DENND1A: variants seen among roughly 807,000 people sequenced by gnomAD.
The protein encoded by DENND1A is DENN domain containing 1A.
A neutral mutation model predicts 113.7 loss-of-function variants in DENND1A; 51 were observed. That is an observed-to-expected ratio of 0.45 (90% confidence interval 0.36 to 0.57). DENND1A has a LOEUF of 0.57. Ranked by LOEUF, DENND1A falls within the 20% of genes least tolerant of loss-of-function variation. The pLI, the probability that DENND1A is intolerant of heterozygous loss-of-function variation, is 0.00. For synonymous variants in DENND1A, 565 were observed against 570.8 expected, an observed-to-expected ratio of 0.99 and a Z score of 0.14; for missense variants, 1,258 against 1,395.9, an observed-to-expected ratio of 0.90 and a Z score of 1.57.
intron 5 of DENND1A, among the ~76,000 whole-genome samples, chr9:123,731,849 G>A: frequency 6.6e-6 from 1 of 152,112 alleles, no homozygotes; most frequent in Non-Finnish European, 1.5e-5. Flanking sequence ...TTTATGTCAA[G>A]AAACTTAAAG....
At chr9:123,915,510 T>G (rs1854924210) in intron 1 of DENND1A, among the ~76,000 whole-genome samples, 1 of 152,094 alleles carries the variant, frequency 6.6e-6, no homozygotes, top group South Asian at 2.1e-4. Flanking sequence ...AAGACAGTGT[T>G]GAGGGTTAAT....
rs1163768106 is a variant in DENND1A, at chr9:123,445,187, A to G, written c.1357-4696T>C. On this transcript the variant is annotated intron_variant, in intron 18 of 23. Coordinates refer to ENST00000394215, the MANE Select transcript of DENND1A (RefSeq NM_001352964.2). ...AGTCTCCATGAGAAATCGGGGAGGT[A>G]AGGACCCAGGGTCTCGGGAGACTAG... 2.6e-5 allele frequency among the ~76,000 whole-genome samples: 4 copies of G among 152,186 alleles called. No individual in the cohort carries two copies. In the East Asian group the frequency reaches 7.7e-4, roughly 29 times the overall value.
intron 2 of DENND1A, among the ~76,000 whole-genome samples, chr9:123,796,906 A>G (rs1182540889): frequency 6.6e-6 from 1 of 152,130 alleles, no homozygotes; most frequent in Non-Finnish European, 1.5e-5. Flanking sequence ...ACTTTGTACA[A>G]AACACGTTAA....
At chr9:123,853,439 G>A (rs558945970) in intron 2 of DENND1A, among the ~76,000 whole-genome samples, 1 of 151,754 alleles carries the variant, frequency 6.6e-6, no homozygotes, top group East Asian at 2.0e-4. Flanking sequence ...TGAGGTAGGC[G>A]GATGACTTGA....
chr9:123,832,290 G>T (rs976049907), intron 2 of DENND1A, among the ~76,000 whole-genome samples: 17 of 151,996 alleles, frequency 1.1e-4, no homozygotes, highest in African/African-American at 2.9e-4. Flanking sequence ...CAACTTCATG[G>T]GTAATCAGGA....
intron 11 of DENND1A, among the ~76,000 whole-genome samples, chr9:123,607,541 AGAGAGAGT>A (rs751500077): frequency 6.4e-4 from 82 of 127,140 alleles, no homozygotes; most frequent in East Asian, 1.1e-3. Flanking sequence ...AGAGAGAGAG[AGAGAGAGT>A]GTGTGTGTGT....
In DENND1A at chr9:123,762,721, T is replaced by C. The variant is rs2071143380; in HGVS notation, c.183-4899A>G. ...ATACCACAAAACATACAGCTTGTAA[T>C]AGTGGTATTACAAAACCAAAGAAGA... On this transcript the variant is annotated intron_variant, in intron 4 of 23. Transcript: ENST00000394215. 3.9e-5 allele frequency among the ~76,000 whole-genome samples: 6 copies of C among 152,168 alleles called. No individual in the cohort carries two copies. In the South Asian group the frequency reaches 1.0e-3, roughly 26 times the overall value.
At chr9:123,682,322 C>T (rs935382456) in intron 5 of DENND1A, among the ~76,000 whole-genome samples, 4 of 152,128 alleles carry the variant, frequency 2.6e-5, no homozygotes, top group Admixed American at 6.5e-5. Context: ...GGAAGACTTG[C>T]GGCAGAGCTG....
intron 10 of DENND1A, among the ~76,000 whole-genome samples, chr9:123,622,052 A>T (rs2060989581): frequency 6.6e-6 from 1 of 152,190 alleles, no homozygotes; most frequent in Non-Finnish European, 1.5e-5. Context: ...CGGCTTCCAG[A>T]GTCATCTGGA....
intron 21 of DENND1A, among the ~76,000 whole-genome samples, chr9:123,389,997 C>T (rs887463204): frequency 1.3e-5 from 2 of 152,232 alleles, no homozygotes; most frequent in Non-Finnish European, 2.9e-5. Flanking sequence ...ACACTGGGCC[C>T]TGGATATTCC....
intron 13 of DENND1A, among the ~76,000 whole-genome samples, chr9:123,501,836 G>A (rs1050969661): frequency 9.9e-5 from 15 of 152,160 alleles, no homozygotes; most frequent in East Asian, 5.8e-4. Context: ...TCTTTCTCTC[G>A]TGCTAGATTG....
intron 12 of DENND1A, among the ~76,000 whole-genome samples, chr9:123,567,439 T>A (rs533644812): frequency 2.5e-4 from 38 of 152,216 alleles, no homozygotes; most frequent in South Asian, 8.3e-4. Context: ...AATTTTTTTT[T>A]AAAAAAGTGG....
chr9:123,595,114 C>G (rs1418862225), intron 11 of DENND1A, among the ~76,000 whole-genome samples: 1 of 152,154 alleles, frequency 6.6e-6, no homozygotes, highest in East Asian at 1.9e-4. Context: ...AAAATCTAAG[C>G]CTGACAGTTC....
At chr9:123,489,589 G>T (rs941259938) in intron 13 of DENND1A, among the ~76,000 whole-genome samples, 1 of 152,210 alleles carries the variant, frequency 6.6e-6, no homozygotes, top group African/African-American at 2.4e-5. Flanking sequence ...TCACATAAAA[G>T]TCAAGTTTGG....
intron 2 of DENND1A, among the ~76,000 whole-genome samples, chr9:123,821,813 G>A (rs372270744): frequency 4.2e-4 from 64 of 152,270 alleles, no homozygotes; most frequent in African/African-American, 1.4e-3. Context: ...CATCCCTGTG[G>A]ACACAATAAT....
intron 18 of DENND1A, among the ~76,000 whole-genome samples, chr9:123,445,620 C>T (rs2047246624): frequency 6.6e-6 from 1 of 152,236 alleles, no homozygotes; most frequent in Non-Finnish European, 1.5e-5. Flanking sequence ...CCTGTAATCC[C>T]AGCATGTTGG....
chr9:123,667,122 G>A (rs1453145783), intron 7 of DENND1A, 43 bp from the exon 8 acceptor site: 1 of 1,545,090 alleles, frequency 6.5e-7, no homozygotes, highest in African/African-American at 1.4e-5. Flanking sequence ...GCTAAAATGT[G>A]TAACAATTGC....
At chr9:123,608,267 T>C (rs2060259567) in intron 11 of DENND1A, among the ~76,000 whole-genome samples, 1 of 152,226 alleles carries the variant, frequency 6.6e-6, no homozygotes, top group Non-Finnish European at 1.5e-5. Flanking sequence ...GGTTTTTCGA[T>C]AACCAACTTC....
chr9:123,782,378 T>C (rs534346661), intron 3 of DENND1A, among the ~76,000 whole-genome samples: 34 of 152,234 alleles, frequency 2.2e-4, no homozygotes, highest in Non-Finnish European at 4.3e-4. Flanking sequence ...GTTAAGCCTC[T>C]CTAGGTAAAA....
Sources: allele counts gnomAD v4.1 joint callset (sites outside exome capture counted in the v4.1 genomes callset), GRCh38; gene constraint gnomAD v4.1.1; transcripts MANE v1.5; gene names NCBI Gene and HGNC (gene_info 2026-07-23, HGNC 2026-07-21).